Variants in L3MBTL4 observed in about 807,000 individuals in gnomAD.
L3MBTL4 encodes the protein lethal(3)malignant brain tumor-like protein 4.
In L3MBTL4, 70 loss-of-function variants were observed where a neutral mutation model predicts 84.5. That is an observed-to-expected ratio of 0.83 (90% CI 0.68 to 1.01). The LOEUF (loss-of-function observed/expected upper bound fraction) is 1.01. Ranked by LOEUF, L3MBTL4 falls within the 50% of genes least tolerant of loss-of-function variation. The pLI is 0.00. For missense variants in L3MBTL4, 715 were observed against 754.8 expected (o/e 0.95, Z 0.62); for synonymous variants, 274 against 259.8 (o/e 1.05, Z -0.52).
intron 1 of L3MBTL4, among the ~76,000 whole-genome samples, chr18:6,406,902 G>A (rs2055759909): frequency 6.6e-6 from 1 of 152,184 alleles, no homozygotes; most frequent in Non-Finnish European, 1.5e-5. Flanking sequence ...AGCTACTCTG[G>A]GCTGAAAGTT....
chr18:6,352,204 A>G (rs1335587701), intron 1 of L3MBTL4, among the ~76,000 whole-genome samples: 2 of 152,198 alleles, frequency 1.3e-5, no homozygotes, highest in Non-Finnish European at 2.9e-5. Flanking sequence ...GCACCTAGCC[A>G]CTTAAAAGAC....
At chr18:6,354,494 C>T (rs1054137785) in intron 1 of L3MBTL4, among the ~76,000 whole-genome samples, 3 of 152,032 alleles carry the variant, frequency 2.0e-5, no homozygotes, top group Admixed American at 1.3e-4. Context: ...GAAGAGACAA[C>T]CCACAGAATG....
chr18:6,307,818 A>T (rs1473009836), intron 3 of L3MBTL4, among the ~76,000 whole-genome samples: 1 of 152,248 alleles, frequency 6.6e-6, no homozygotes, highest in African/African-American at 2.4e-5. Flanking sequence ...AATGGGAATT[A>T]ACATTTTTTC....
chr18:6,070,887 T>C (rs2057569064), intron 16 of L3MBTL4, among the ~76,000 whole-genome samples: 1 of 151,838 alleles, frequency 6.6e-6, no homozygotes, highest in Admixed American at 6.6e-5. Context: ...CAAAAGATAA[T>C]TTTTCAGATA....
At chr18:6,203,081 G>C (rs139157976) in intron 12 of L3MBTL4, among the ~76,000 whole-genome samples, 1 of 152,208 alleles carries the variant, frequency 6.6e-6, no homozygotes, top group Non-Finnish European at 1.5e-5. Context: ...ACACAGCATA[G>C]AGAAGAAACA....
rs1351524832 is a variant in L3MBTL4, at chr18:6,233,163, C to T, written c.784+4801G>A. Among the ~76,000 whole-genome samples the T allele has an allele frequency of 4.0e-5, 6 of 151,866 alleles. No homozygotes were observed. In the East Asian group the frequency reaches 1.2e-3, roughly 29 times the overall value. ...CTCAATAAATTAGGTATTGATGGGA[C>T]GTACCTAAAAATAATAAGAGCTATT... On this transcript the variant is annotated intron_variant, in intron 10 of 18. Transcript: ENST00000317931.
chr18:6,152,481 A>G (rs1289734101), intron 13 of L3MBTL4, among the ~76,000 whole-genome samples: 3 of 152,156 alleles, frequency 2.0e-5, no homozygotes, highest in African/African-American at 7.2e-5. Flanking sequence ...TTCTCTGACA[A>G]TTAGTGATGC....
intron 16 of L3MBTL4, among the ~76,000 whole-genome samples, chr18:5,985,420 G>A (rs751935709): frequency 1.3e-5 from 2 of 152,050 alleles, no homozygotes; most frequent in African/African-American, 2.4e-5. Flanking sequence ...GCCTGAACAC[G>A]TCCTCCATGG....
intron 1 of L3MBTL4, among the ~76,000 whole-genome samples, chr18:6,387,213 T>C (rs550700799): frequency 5.3e-5 from 8 of 152,268 alleles, no homozygotes; most frequent in African/African-American, 1.9e-4. Flanking sequence ...CAGGGGAAGC[T>C]GAAACAGGAC....
At chr18:6,144,736 G>T (rs2042575920) in intron 13 of L3MBTL4, among the ~76,000 whole-genome samples, 3 of 152,184 alleles carry the variant, frequency 2.0e-5, no homozygotes, top group Non-Finnish European at 4.4e-5. Flanking sequence ...GAAGGGAAAG[G>T]CACCGTAAAG....
chr18:6,017,612 G>A (rs2055054504), intron 16 of L3MBTL4: 1 of 152,188 alleles, frequency 6.6e-6, no homozygotes, highest in South Asian at 2.1e-4. Context: ...CAGACTCTTG[G>A]GTAACAGCCC....
Position 6,363,938 on chromosome 18 carries a change from G to A in L3MBTL4, c.-91+50863C>T, listed in dbSNP as rs537879337. On this transcript the variant is annotated intron_variant, in intron 1 of 18. Coordinates refer to ENST00000317931, the MANE Select transcript of L3MBTL4 (RefSeq NM_001330559.2). ...ATGCTCCCTCGACATCTAACAGCTG[G>A]GAAAAAAAAAAGAGGCTATCACTAA... Among the ~76,000 whole-genome samples the A allele has an allele frequency of 6.1e-4, 93 of 151,272 alleles. 1 individual carries two copies. Among genetic ancestry groups the A allele is most frequent in the African/African-American group, 2.1e-3 (88 of 41,288 alleles).
chr18:6,065,286 G>A (rs529464799), intron 16 of L3MBTL4, among the ~76,000 whole-genome samples: 1 of 151,924 alleles, frequency 6.6e-6, no homozygotes, highest in South Asian at 2.1e-4. Flanking sequence ...TTGCATCTAT[G>A]TTCATCAAGG....
At chr18:6,353,203 A>C (rs1435406513) in intron 1 of L3MBTL4, among the ~76,000 whole-genome samples, 1 of 152,096 alleles carries the variant, frequency 6.6e-6, no homozygotes, top group Non-Finnish European at 1.5e-5. Context: ...AGTATGATAC[A>C]AATCAACGCA....
At chr18:6,324,183 C>A (rs1417480053) in intron 1 of L3MBTL4, among the ~76,000 whole-genome samples, 1 of 152,222 alleles carries the variant, frequency 6.6e-6, no homozygotes, top group Non-Finnish European at 1.5e-5. Context: ...AGATTTCAGA[C>A]AACGTATGGA....
intron 1 of L3MBTL4, among the ~76,000 whole-genome samples, chr18:6,366,089 C>A (rs896396076): frequency 1.3e-5 from 2 of 152,180 alleles, no homozygotes; most frequent in Non-Finnish European, 2.9e-5. Flanking sequence ...AAGAAACTTC[C>A]AACCTTTTAT....
intron 13 of L3MBTL4, among the ~76,000 whole-genome samples, chr18:6,168,347 C>G (rs2043787655): frequency 6.6e-6 from 1 of 151,998 alleles, no homozygotes; most frequent in Non-Finnish European, 1.5e-5. Flanking sequence ...CATATGGAAC[C>G]AAAAAAGAGC....
At chr18:6,320,989 C>A (rs971945894) in intron 1 of L3MBTL4, among the ~76,000 whole-genome samples, 3 of 151,962 alleles carry the variant, frequency 2.0e-5, no homozygotes, top group Admixed American at 6.6e-5. Context: ...GAAGGGCCAC[C>A]CTATTTAATA....
intron 16 of L3MBTL4, among the ~76,000 whole-genome samples, chr18:6,067,081 T>C (rs1167575635): frequency 1.3e-5 from 2 of 152,236 alleles, no homozygotes; most frequent in African/African-American, 4.8e-5. Flanking sequence ...GATACAAAAT[T>C]CTTGGCTTAC....
Sources: allele counts gnomAD v4.1 joint callset (sites outside exome capture counted in the v4.1 genomes callset), GRCh38; gene constraint gnomAD v4.1.1; transcripts MANE v1.5; gene names NCBI Gene and HGNC (gene_info 2026-07-23, HGNC 2026-07-21).